EPS15: variants seen among roughly 807,000 people sequenced by gnomAD.
The protein encoded by EPS15 is epidermal growth factor receptor substrate 15.
EPS15 carries 72 observed loss-of-function variants against 113.8 expected under a neutral mutation model. The observed-to-expected ratio is 0.63, with a 90% confidence interval of 0.52 to 0.77. The LOEUF (loss-of-function observed/expected upper bound fraction) is 0.77, where lower values mean the gene tolerates loss of function less well. Ranked by LOEUF, EPS15 falls within the 30% of genes least tolerant of loss-of-function variation. EPS15 has a pLI of 0.00. For missense variants in EPS15, 1,048 were observed against 1,045.8 expected (o/e 1.00, Z -0.03); for synonymous variants, 344 against 363.4 (o/e 0.95, Z 0.61).
At chr1:51,517,125 C>T (rs569666477) in intron 1 of EPS15, among the ~76,000 whole-genome samples, 266 of 152,308 alleles carry the variant, frequency 1.7e-3, no homozygotes, top group African/African-American at 6.1e-3. Context: ...CAAGGAGGCA[C>T]ATTAGGGTAT....
At chr1:51,390,659 TG>T (rs1214533991) in intron 21 of EPS15, among the ~76,000 whole-genome samples, 1 of 150,988 alleles carries the variant, frequency 6.6e-6, no homozygotes, top group African/African-American at 2.4e-5. Context: ...ATGAAGGATA[TG>T]AACAGACACT....
chr1:51,508,998 T>C (rs1488325439), intron 1 of EPS15, among the ~76,000 whole-genome samples: 1 of 152,330 alleles, frequency 6.6e-6, no homozygotes, highest in East Asian at 1.9e-4. Context: ...AGTTTCATCA[T>C]AATCACAGTA....
intron 19 of EPS15, among the ~76,000 whole-genome samples, chr1:51,400,012 C>T (rs1648362910): frequency 6.6e-6 from 1 of 152,246 alleles, no homozygotes; most frequent in South Asian, 2.1e-4. Flanking sequence ...TTCAAGGGAT[C>T]CAATTTTAAG....
chr1:51,448,790 A>T (rs1483860046), intron 8 of EPS15, among the ~76,000 whole-genome samples: 1 of 152,166 alleles, frequency 6.6e-6, no homozygotes, highest in Admixed American at 6.6e-5. Context: ...ACTGAGAAGT[A>T]GTAGCATCAA....
At chr1:51,366,089 CAG>C (rs1646502330) in intron 21 of EPS15, 60 bp from the exon 22 acceptor site, 8 of 1,154,942 alleles carry the variant, frequency 6.9e-6, no homozygotes, top group Admixed American at 4.0e-5. Flanking sequence ...TTTTTTGAGA[CAG>C]AGTCTCACTC....
At chr1:51,408,099 C>A in intron 15 of EPS15, 36 bp downstream of exon 15, 1 of 1,539,140 alleles carries the variant, frequency 6.5e-7, no homozygotes, top group South Asian at 1.1e-5. Flanking sequence ...CACAGAGGAT[C>A]CATTTGAATA....
At chr1:51,408,466 TATTTA>T (rs1321144840) in intron 14 of EPS15, 134 bp from the exon 15 acceptor site, 8 of 654,788 alleles carry the variant, frequency 1.2e-5, no homozygotes, top group Admixed American at 2.9e-5. Flanking sequence ...GCAAATAATT[TATTTA>T]ATTTAATTTT....
intron 21 of EPS15, among the ~76,000 whole-genome samples, chr1:51,378,793 T>C (rs1646863796): frequency 6.6e-6 from 1 of 152,134 alleles, no homozygotes; most frequent in African/African-American, 2.4e-5. Context: ...TGGAAGGTAA[T>C]ATGAAATTCT....
chr1:51,379,248 TAGCTA>T (rs1646877555), intron 21 of EPS15, among the ~76,000 whole-genome samples: 1 of 151,998 alleles, frequency 6.6e-6, no homozygotes, highest in East Asian at 1.9e-4. Flanking sequence ...GCCTCTGGAG[TAGCTA>T]GGACTACAGG....
chr1:51,449,708 C>T (rs1291458261), intron 8 of EPS15, among the ~76,000 whole-genome samples: 1 of 151,718 alleles, frequency 6.6e-6, no homozygotes, highest in Non-Finnish European at 1.5e-5. Context: ...TCAAATCAAT[C>T]TCCCCAAGAA....
Position 51,421,798 on chromosome 1 carries a change from T to C in EPS15, c.1101A>G (p.Thr367=). The stretch of plus-strand genomic sequence containing the variant: ...TATGGTCACTTACCTGAACCTCACT[T>C]GTCCTCTGTTTAATAGTATCTTCCT... ...KEKEDTIKQR[T]SEVQDLQDEV... The change falls in exon 13 of 25, where the codon ACA becomes ACG. Residue 367 remains threonine (T), a synonymous_variant. Coordinates refer to ENST00000371733, the MANE Select transcript of EPS15 (RefSeq NM_001981.3). 1.9e-6 allele frequency: 3 copies of C among 1,592,904 alleles called. No homozygotes were observed. The highest frequency in any genetic ancestry group is 2.6e-6 in the Non-Finnish European group (3 of 1,167,790).
chr1:51,375,005 T>G, intron 21 of EPS15, among the ~76,000 whole-genome samples: 1 of 138,778 alleles, frequency 7.2e-6, no homozygotes, highest in Admixed American at 7.1e-5. Flanking sequence ...TCTTTTTTTT[T>G]TTTTTTTTTT....
Position 51,448,080 on chromosome 1 carries a change from G to A in EPS15, c.617C>T (p.Pro206Leu). ...CTTAGATGGTGGCACCAAGGCTGGAGGCAAGGACATTGGCACAGGTTCTTT... is the reference window on the plus strand; with the variant it reads ...CTTAGATGGTGGCACCAAGGCTGGAAGCAAGGACATTGGCACAGGTTCTTT... ...LEKEPVPMSL[P>L]PALVPPSKRK... The change falls in exon 9 of 25, where the codon CCT becomes CTT. Residue 206 changes from proline to leucine, a missense_variant. Transcript: ENST00000371733. The A allele has an allele frequency of 6.2e-7, 1 of 1,613,770 alleles. No homozygotes were observed. Among genetic ancestry groups the A allele is most frequent in the Non-Finnish European group, 8.5e-7 (1 of 1,179,784 alleles).
rs183668120 is a variant in EPS15 at position 51,421,969 on chromosome 1, A to G, written c.1041-111T>C. The G allele has an allele frequency of 1.7e-4, 251 of 1,460,182 alleles. No individual in the cohort carries two copies. The African/African-American group carries it at 3.1e-3, about 18-fold the overall frequency. 90.5% of individuals were successfully genotyped at this position (1,460,182 alleles called of 1,614,324 possible). A position where few individuals can be genotyped will look rare whatever the true frequency, so the allele number is the denominator to read the frequency against. Reference sequence around the variant, plus strand: ...TTTTTAAATACATAGTGAAACATTCAATTTTTAAATGAAGGGCAGATTTTT... The same window carrying G: ...TTTTTAAATACATAGTGAAACATTCGATTTTTAAATGAAGGGCAGATTTTT... On this transcript the variant is annotated intron_variant, in intron 12 of 24. Transcript: ENST00000371733.
At chr1:51,371,557 T>C (rs925795248) in intron 21 of EPS15, among the ~76,000 whole-genome samples, 8 of 151,502 alleles carry the variant, frequency 5.3e-5, no homozygotes, top group Admixed American at 4.6e-4. Context: ...AAAGTTTAGA[T>C]ATACAGAAAG....
intron 14 of EPS15, among the ~76,000 whole-genome samples, chr1:51,408,559 A>C (rs1274478227): frequency 6.6e-6 from 1 of 151,336 alleles, no homozygotes; most frequent in African/African-American, 2.4e-5. Context: ...AGTAGCTGGG[A>C]CTATAGGAAC....
chr1:51,433,162 C>A (rs995852159), intron 12 of EPS15, among the ~76,000 whole-genome samples: 2 of 152,212 alleles, frequency 1.3e-5, no homozygotes, highest in East Asian at 3.8e-4. Context: ...AACACAGAAT[C>A]TGGCTACCTG....
At chr1:51,518,039 C>T (rs1409946706) in intron 1 of EPS15, among the ~76,000 whole-genome samples, 1 of 152,090 alleles carries the variant, frequency 6.6e-6, no homozygotes, top group Admixed American at 6.6e-5. Context: ...CAGTGAGATA[C>T]CACAATGCAG....
chr1:51,369,598 A>G lies in EPS15; in HGVS notation c.2120-3569T>C, dbSNP rs551694345. On this transcript the variant is annotated intron_variant, in intron 21 of 24. Transcript: ENST00000371733. ...TCACTATCAGAAATAACCCTTATGA[A>G]TATTTCAGCATACTTCTTTAACAGC... is the stretch of plus-strand genomic sequence containing the variant. 5.9e-5 allele frequency among the ~76,000 whole-genome samples: 9 copies of G among 152,328 alleles called. No individual in the cohort carries two copies. In the South Asian group the frequency reaches 1.9e-3, roughly 32 times the overall value.
Sources: gnomAD v4.1 joint callset for allele counts (sites outside exome capture counted in the v4.1 genomes callset) on GRCh38, gnomAD v4.1.1 for gene constraint, MANE v1.5 for transcripts, NCBI Gene and HGNC (gene_info 2026-07-23, HGNC 2026-07-21) for gene names.